The following CYP4F3 variants were observed in gnomAD, a reference collection of about 807,000 sequenced individuals.
CYP4F3 encodes cytochrome P450 family 4 subfamily F member 3.
CYP4F3 carries 50 observed loss-of-function variants against 54.8 expected under a neutral mutation model. That is an observed-to-expected ratio of 0.91 (90% CI 0.73 to 1.16). The LOEUF is 1.16. Ranked by LOEUF, CYP4F3 falls within the 50% of genes most tolerant of loss-of-function variation. The pLI is 0.00. For missense variants in CYP4F3, 715 were observed against 676.2 expected (o/e 1.06, Z -0.64); for synonymous variants, 244 against 262.6 (o/e 0.93, Z 0.69).
chr19:15,646,635 T>G (rs769444393), intron 3 of CYP4F3, among the ~76,000 whole-genome samples: 7 of 152,212 alleles, frequency 4.6e-5, no homozygotes, highest in East Asian at 1.9e-4. Context: ...CACATGTCAG[T>G]GTCATGTCTC....
chr19:15,644,794 C>T (rs1343762145), intron 2 of CYP4F3, among the ~76,000 whole-genome samples: 1 of 152,212 alleles, frequency 6.6e-6, no homozygotes, highest in Non-Finnish European at 1.5e-5. Context: ...CCTTCTTGGA[C>T]AGGCCAGGCT....
rs779179698 is a variant in CYP4F3 at position 15,652,811 on chromosome 19, G to T, written c.986-12G>T. The T allele has an allele frequency of 1.1e-5, 17 of 1,607,994 alleles. No homozygotes were observed. Among genetic ancestry groups the T allele is most frequent in the Non-Finnish European group, 1.4e-5 (17 of 1,176,912 alleles). ...CAGCCCAGAGACCCAAGCCTGCCTT[G>T]CTGCCCCCCAGGCCATGACACCACA... On this transcript the variant is annotated splice_polypyrimidine_tract_variant and intron_variant, in intron 8 of 12. Transcript: ENST00000221307.
rs28371522 is a variant in CYP4F3, at chr19:15,661,001, T to C, written c.*1616T>C. ...CAAAGTGCTGGGATTACAGGCCCGG[T>C]CCAGTTTGATAGTTTGTTATCATGT... On this transcript the variant is annotated 3_prime_UTR_variant, in exon 13 of 13. Transcript: ENST00000221307. 90,763 of 151,690 alleles carry C rather than the reference T, an allele frequency of 0.6. 27,637 individuals are homozygous for C. The highest frequency in any genetic ancestry group is 0.7 in the East Asian group (3,609 of 5,128). The allele number at this position is 151,690 out of a possible 1,614,324, so 9.4% of individuals were successfully genotyped here.
intron 3 of CYP4F3, among the ~76,000 whole-genome samples, 172 bp from the exon 4 acceptor site, chr19:15,646,876 GGTCT>G (rs1283371355): frequency 6.6e-6 from 1 of 152,070 alleles, no homozygotes; most frequent in African/African-American, 2.4e-5. Flanking sequence ...GCCGTAGCCT[GGTCT>G]GGTCTTCCCT....
Position 15,650,796 on chromosome 19 carries a change from TTTC to T in CYP4F3, c.918+615_918+617del, listed in dbSNP as rs375664125. On this transcript the variant is annotated intron_variant, in intron 7 of 12. Transcript: ENST00000221307. ...CTTTCGTTCTTTCTTTCTTTCTTTC[TTTC>T]TCTCTCTTCTCTTTCTTTCTTTCTT... 6.1e-4 allele frequency among the ~76,000 whole-genome samples: 37 copies of T among 61,052 alleles called. 8 individuals are homozygous for T. The highest frequency in any genetic ancestry group is 2.2e-3 in the East Asian group (3 of 1,360). The allele number at this position is 61,052 out of a possible 152,430, so 40.1% of individuals were successfully genotyped here.
At position 15,662,104 on chromosome 19, in the gene CYP4F3, C is replaced by T. The variant is rs915741188; in HGVS notation, c.*2719C>T. Reference sequence around the variant, plus strand: ...TGGCCAATATGGTGAAACCACGTCTCTATTAAAAATAGAAAAATTAGCCAG... The same window carrying T: ...TGGCCAATATGGTGAAACCACGTCTTTATTAAAAATAGAAAAATTAGCCAG... On this transcript the variant is annotated 3_prime_UTR_variant, in exon 13 of 13. Coordinates refer to ENST00000221307, the MANE Select transcript of CYP4F3 (RefSeq NM_000896.3). 2.0e-5 allele frequency: 3 copies of T among 151,654 alleles called. No individual in the cohort carries two copies. Among genetic ancestry groups the T allele is most frequent in the African/African-American group, 7.3e-5 (3 of 41,202 alleles). 9.4% of individuals were successfully genotyped at this position (151,654 alleles called of 1,614,324 possible). A position where few individuals can be genotyped will look rare whatever the true frequency, so the allele number is the denominator to read the frequency against.
chr19:15,647,143 G>T (rs943324510), intron 4 of CYP4F3, 38 bp downstream of exon 4: 13 of 1,613,146 alleles, frequency 8.1e-6, no homozygotes, highest in Non-Finnish European at 1.1e-5. Flanking sequence ...GGAACAACCT[G>T]GGGGGCCAGG....
chr19:15,647,300 C>T lies in CYP4F3; in HGVS notation c.501C>T (p.Phe167=), dbSNP rs142788549. The change falls in exon 5 of 13, where the codon TTC becomes TTT. Residue 167 remains phenylalanine, a synonymous_variant. Transcript: ENST00000221307. The part of the protein sequence containing the change: ...FNILKPYMKI[F]NESVNIMHAK... ...TCCTGAAGCCCTATATGAAGATTTT[C>T]AATGAGAGTGTGAACATCATGCATG... 194 of 1,614,212 alleles carry T rather than the reference C, an allele frequency of 1.2e-4. No homozygotes were observed. The highest frequency in any genetic ancestry group is 1.5e-4 in the Non-Finnish European group (181 of 1,180,038).
intron 9 of CYP4F3, among the ~76,000 whole-genome samples, chr19:15,655,690 C>T (rs960999882): frequency 1.3e-5 from 2 of 152,102 alleles, no homozygotes; most frequent in Non-Finnish European, 2.9e-5. Context: ...AGTGAAAGTC[C>T]ATAAAATAGA....
rs562258791 is a variant in CYP4F3, at chr19:15,641,546, A to C, written c.131A>C (p.Asn44Thr). The change falls in exon 2 of 13, where the codon AAC (asparagine) becomes ACC (threonine). Residue 44 changes from asparagine (N) to threonine (T), a missense_variant. Transcript: ENST00000221307. ...GCCTGGACCTATACCTTCTATGACA[A>C]CTGCTGCCGCCTCCGGTGTTTCCCG... The part of the protein sequence containing the change: ...ILAWTYTFYD[N>T]CCRLRCFPQP... 4 of 1,613,976 alleles carry C rather than the reference A, an allele frequency of 2.5e-6. No homozygotes were observed. The South Asian group carries it at 4.4e-5, about 18-fold the overall frequency.
intron 6 of CYP4F3, 58 bp from the exon 7 acceptor site, chr19:15,649,855 G>A: frequency 1.3e-6 from 2 of 1,588,550 alleles, no homozygotes; most frequent in Non-Finnish European, 1.7e-6. Flanking sequence ...GGTGGGAGGT[G>A]ATCCTGGGGC....
chr19:15,658,674 G>A, intron 11 of CYP4F3, 53 bp from the exon 12 acceptor site: 2 of 1,611,286 alleles, frequency 1.2e-6, no homozygotes, highest in Non-Finnish European at 1.7e-6. Context: ...GTCTCTCCAA[G>A]GCTGGCGGAC....
chr19:15,656,792 C>A (rs1416285811), intron 9 of CYP4F3, among the ~76,000 whole-genome samples: 1 of 150,668 alleles, frequency 6.6e-6, no homozygotes, highest in Non-Finnish European at 1.5e-5. Context: ...TGATCTATCT[C>A]TCCACCATCT....
chr19:15,642,553 C>T (rs778947173), intron 2 of CYP4F3, among the ~76,000 whole-genome samples: 14 of 152,226 alleles, frequency 9.2e-5, no homozygotes, highest in Non-Finnish European at 1.6e-4. Flanking sequence ...CAAACCTCCC[C>T]TGTGAGGACC....
rs1973184561 is a variant in CYP4F3 at position 15,661,527 on chromosome 19, C to T, written c.*2142C>T. ...AAGGGTGTTGAACCACTCGTGCCTT[C>T]CTGTGCCTATTTGACACTCCTATAT... On this transcript the variant is annotated 3_prime_UTR_variant, in exon 13 of 13. Transcript: ENST00000221307. 1 of 152,166 alleles carries T rather than the reference C, an allele frequency of 6.6e-6. No individual in the cohort carries two copies. The highest frequency in any genetic ancestry group is 1.5e-5 in the Non-Finnish European group (1 of 68,040). The allele number at this position is 152,166 out of a possible 1,614,324, so 9.4% of individuals were successfully genotyped here.
chr19:15,651,920 A>G (rs1211181097), intron 7 of CYP4F3, among the ~76,000 whole-genome samples: 1 of 152,176 alleles, frequency 6.6e-6, no homozygotes, highest in Admixed American at 6.5e-5. Context: ...ACTATCAGCC[A>G]GAGTAGGATT....
At chr19:15,641,363 G>A (rs563314241) in intron 1 of CYP4F3, 52 bp from the exon 2 acceptor site, 3 of 1,606,228 alleles carry the variant, frequency 1.9e-6, no homozygotes, top group Admixed American at 1.7e-5. Context: ...GGAGCTCCCT[G>A]GGCCCTTCCC....
In CYP4F3 at chr19:15,642,008, T is replaced by C. The variant is rs1323371221; in HGVS notation, c.198+395T>C. 4.6e-5 allele frequency among the ~76,000 whole-genome samples: 7 copies of C among 152,102 alleles called. No individual in the cohort carries two copies. The East Asian group carries it at 1.4e-3, about 29-fold the overall frequency. ...TGGCCTATTTCCTCTTATGAGGGTA[T>C]AGGTGGGCCAGAGGAGAGGTGTGGG... is the stretch of plus-strand genomic sequence containing the variant. On this transcript the variant is annotated intron_variant, in intron 2 of 12. Coordinates refer to ENST00000221307, the MANE Select transcript of CYP4F3 (RefSeq NM_000896.3).
chr19:15,649,110 G>T (rs1281661186), intron 5 of CYP4F3, 50 bp from the exon 6 acceptor site: 1 of 1,608,858 alleles, frequency 6.2e-7, no homozygotes, highest in Non-Finnish European at 8.5e-7. Context: ...TTGGAGAGCT[G>T]CTCAAGGGAG....
Sources: allele counts gnomAD v4.1 joint callset (sites outside exome capture counted in the v4.1 genomes callset), GRCh38; gene constraint gnomAD v4.1.1; transcripts MANE v1.5; gene names NCBI Gene and HGNC (gene_info 2026-07-23, HGNC 2026-07-21).